The following PPP6R3 variants were observed in gnomAD, a reference collection of about 807,000 sequenced individuals.
The protein encoded by PPP6R3 is protein phosphatase 6 regulatory subunit 3, also known as serine/threonine-protein phosphatase 6 regulatory subunit 3.
A neutral mutation model predicts 110.7 loss-of-function variants in PPP6R3; 38 were observed. The ratio of observed to expected loss-of-function variants is 0.34; its 90% confidence interval spans 0.26 to 0.45. The LOEUF is 0.45. PPP6R3 is among the 20% of genes least tolerant of loss of function. The pLI, the probability that PPP6R3 is intolerant of heterozygous loss-of-function variation, is 1.00. For missense variants in PPP6R3, 870 were observed against 1,062.4 expected (o/e 0.82, Z 2.52); for synonymous variants, 369 against 373.5 (o/e 0.99, Z 0.14).
At chr11:68,518,146 A>G (rs1301549358) in intron 1 of PPP6R3, among the ~76,000 whole-genome samples, 2 of 152,198 alleles carry the variant, frequency 1.3e-5, no homozygotes, top group Non-Finnish European at 2.9e-5. Context: ...TACTGGATGA[A>G]CGTTGTAAGA....
intron 10 of PPP6R3, among the ~76,000 whole-genome samples, chr11:68,569,020 A>G (rs1230628875): frequency 2.0e-5 from 3 of 152,162 alleles, no homozygotes; most frequent in Non-Finnish European, 2.9e-5. Context: ...TCGGCCTCCC[A>G]GAGTGCAGAG....
At chr11:68,594,684 CACAA>C (rs902257709) in intron 18 of PPP6R3, among the ~76,000 whole-genome samples, 2 of 152,090 alleles carry the variant, frequency 1.3e-5, no homozygotes, top group African/African-American at 4.8e-5. Context: ...ATAGATTCAA[CACAA>C]ACAAAATCCT....
At position 68,614,344 on chromosome 11, in the gene PPP6R3, AT is replaced by A. The variant is rs752252870; in HGVS notation, c.*1229del. 1.2e-4 allele frequency: 142 copies of A among 1,150,188 alleles called. No individual in the cohort carries two copies. The highest frequency in any genetic ancestry group is 1.5e-4 in the Non-Finnish European group (136 of 931,764). The allele number at this position is 1,150,188 out of a possible 1,614,324, so 71.2% of individuals were successfully genotyped here. A position where few individuals can be genotyped will look rare whatever the true frequency, so the allele number is the denominator to read the frequency against. ...CCTTCTCAAACAGCTCAAGCAATAT[AT>A]TGTATATTGCCATATCGTCTGGTGA... is the stretch of plus-strand genomic sequence containing the variant. On this transcript the variant is annotated 3_prime_UTR_variant, in exon 24 of 24. Transcript: ENST00000393800.
At chr11:68,481,385 G>A (rs1433994595) in intron 1 of PPP6R3, among the ~76,000 whole-genome samples, 3 of 152,202 alleles carry the variant, frequency 2.0e-5, no homozygotes, top group Non-Finnish European at 4.4e-5. Context: ...GATCCCAGAA[G>A]CATAGGGTTA....
At chr11:68,597,648 T>C (rs2099618034) in intron 19 of PPP6R3, among the ~76,000 whole-genome samples, 1 of 151,968 alleles carries the variant, frequency 6.6e-6, no homozygotes, top group South Asian at 2.1e-4. Context: ...CTCTGGAATC[T>C]GTAGGGTTTG....
chr11:68,534,642 G>A (rs1240075979), intron 2 of PPP6R3, among the ~76,000 whole-genome samples: 2 of 152,110 alleles, frequency 1.3e-5, no homozygotes, highest in Non-Finnish European at 2.9e-5. Context: ...CGTATACCCT[G>A]TTTATTATTA....
Position 68,496,921 on chromosome 11 carries a change from G to A in PPP6R3, c.-157-22580G>A, listed in dbSNP as rs538982689. On this transcript the variant is annotated intron_variant, in intron 1 of 23. Transcript: ENST00000393800. ...CTGTTGCCCAGGCTGGAGTGCAGTG[G>A]TGCAATCTCGGCTCACTGCAAACTC... 5.6e-5 allele frequency among the ~76,000 whole-genome samples: 8 copies of A among 142,330 alleles called. No individual in the cohort carries two copies. In the Admixed American group the frequency reaches 6.0e-4, roughly 11 times the overall value. 93.4% of individuals were successfully genotyped at this position (142,330 alleles called of 152,430 possible).
In PPP6R3 at chr11:68,571,021, T is replaced by G. The variant is rs76831016; in HGVS notation, c.1279-19T>G. On this transcript the variant is annotated intron_variant, in intron 11 of 23. Transcript: ENST00000393800. ...ATGCTTTGAAGTATTAACTGGAATA[T>G]TCTTTTTTTTTTTTTCAGCTTTTCC... The G allele has an allele frequency of 2.6e-3, 4,137 of 1,589,290 alleles. 101 individuals carry two copies. In the African/African-American group the frequency reaches 0.048, roughly 18 times the overall value.
At chr11:68,589,093 G>A (rs896368715) in intron 16 of PPP6R3, among the ~76,000 whole-genome samples, 2 of 151,950 alleles carry the variant, frequency 1.3e-5, no homozygotes, top group Non-Finnish European at 2.9e-5. Context: ...CCTGTAGTCC[G>A]AACTTCTGAG....
At chr11:68,480,223 C>T (rs2098895638) in intron 1 of PPP6R3, among the ~76,000 whole-genome samples, 1 of 152,154 alleles carries the variant, frequency 6.6e-6, no homozygotes, top group Non-Finnish European at 1.5e-5. Context: ...TGCTTTTCTG[C>T]TCTGATCTTT....
chr11:68,464,883 C>CTT (rs35642999), intron 1 of PPP6R3, among the ~76,000 whole-genome samples: 30 of 140,144 alleles, frequency 2.1e-4, no homozygotes, highest in South Asian at 1.1e-3. Context: ...CCAGCTTCAA[C>CTT]TTTTTTTTTT....
chr11:68,574,544 C>T (rs1167745071), intron 13 of PPP6R3, among the ~76,000 whole-genome samples: 1 of 152,106 alleles, frequency 6.6e-6, no homozygotes, highest in East Asian at 1.9e-4. Flanking sequence ...GTGTGAAGTA[C>T]TCATATGCTA....
intron 8 of PPP6R3, 30 bp from the exon 9 acceptor site, chr11:68,564,273 A>C: frequency 6.4e-7 from 1 of 1,573,802 alleles, no homozygotes; most frequent in African/African-American, 1.4e-5. Context: ...CTGAAATTAT[A>C]ATAACTAAAA....
At chr11:68,581,389 T>C (rs1352402162) in intron 14 of PPP6R3, among the ~76,000 whole-genome samples, 2 of 152,226 alleles carry the variant, frequency 1.3e-5, no homozygotes, top group Non-Finnish European at 2.9e-5. Flanking sequence ...AAAGCGAAAG[T>C]GTGAATGAGG....
chr11:68,551,804 C>A (rs1020657365), intron 6 of PPP6R3, among the ~76,000 whole-genome samples: 2 of 152,098 alleles, frequency 1.3e-5, no homozygotes, highest in South Asian at 2.1e-4. Context: ...TATTTTTATA[C>A]CCATCTGTAG....
chr11:68,487,955 G>A (rs2098958790), intron 1 of PPP6R3, among the ~76,000 whole-genome samples: 1 of 152,150 alleles, frequency 6.6e-6, no homozygotes, highest in Non-Finnish European at 1.5e-5. Flanking sequence ...TCTGATGGAG[G>A]GGTGTTGAAG....
chr11:68,574,462 C>T (rs1047926374), intron 13 of PPP6R3, among the ~76,000 whole-genome samples: 2 of 152,170 alleles, frequency 1.3e-5, no homozygotes, highest in South Asian at 2.1e-4. Context: ...TGGCTGGATT[C>T]AGCATATAAG....
At chr11:68,593,100 C>T (rs2099600532) in intron 18 of PPP6R3, among the ~76,000 whole-genome samples, 1 of 152,186 alleles carries the variant, frequency 6.6e-6, no homozygotes, top group African/African-American at 2.4e-5. Context: ...CATGTATATA[C>T]ATCCGTGAAA....
intron 9 of PPP6R3, among the ~76,000 whole-genome samples, chr11:68,566,236 C>T (rs535743930): frequency 2.0e-5 from 3 of 147,042 alleles, no homozygotes; most frequent in East Asian, 3.9e-4. Context: ...ACCACCACCA[C>T]GGCTGCTGCT....
Sources: gnomAD v4.1 joint callset for allele counts (sites outside exome capture counted in the v4.1 genomes callset) on GRCh38, gnomAD v4.1.1 for gene constraint, MANE v1.5 for transcripts, NCBI Gene and HGNC (gene_info 2026-07-23, HGNC 2026-07-21) for gene names.